WNT7B: variants seen among roughly 807,000 people sequenced by gnomAD.
WNT7B encodes the protein Wnt family member 7B.
Under a neutral mutation model 38.2 loss-of-function variants are expected in WNT7B, and 19 were observed. The observed-to-expected ratio is 0.50, with a 90% CI of 0.35 to 0.73. WNT7B has a LOEUF of 0.73. WNT7B is among the 30% of genes least tolerant of loss of function. WNT7B has a pLI of 0.01. For synonymous variants in WNT7B, 243 were observed against 209.3 expected (o/e 1.16, Z -1.39); for missense variants, 423 against 507.9 (o/e 0.83, Z 1.61).
chr22:45,923,242 G>C lies in WNT7B; in HGVS notation c.664C>G (p.Arg222Gly), dbSNP rs775134985. The change falls in exon 4 of 4, where the codon CGA becomes GGA. Residue 222 changes from arginine (R) to glycine (G), a missense_variant. By Grantham distance (125) the Arg-to-Gly change is moderately radical. This residue lies in a region of WNT7B where 158 missense variants were observed against 214.7 expected (regional missense o/e 0.74). Coordinates refer to ENST00000339464, the MANE Select transcript of WNT7B (RefSeq NM_058238.3). ...TCCTTCAGCAGGTGGCCCACCTCTC[G>C]GAACTTGGGCAGCGTGGTCCAGCAG... ...KTCWTTLPKFREVGHLLKEKY... is the reference protein window; with the variant it reads ...KTCWTTLPKFGEVGHLLKEKY... 1.9e-6 allele frequency: 3 copies of C among 1,613,490 alleles called. No homozygotes were observed. In the South Asian group the frequency reaches 3.3e-5, roughly 18 times the overall value.
At chr22:45,944,873 G>A (rs943549223) in intron 2 of WNT7B, among the ~76,000 whole-genome samples, 1 of 152,074 alleles carries the variant, frequency 6.6e-6, no homozygotes, top group African/African-American at 2.4e-5. Context: ...CCCTCAGACT[G>A]CCCCACCCCA....
rs1426578043 is a variant in WNT7B at position 45,975,433 on chromosome 22, C to T, written c.71+1251G>A. 4 of 642,020 alleles carry T rather than the reference C, an allele frequency of 6.2e-6. No individual in the cohort carries two copies. Among genetic ancestry groups the T allele is most frequent in the African/African-American group, 5.4e-5 (3 of 55,070 alleles). 39.8% of individuals were successfully genotyped at this position (642,020 alleles called of 1,614,324 possible). ...TATGATAAACGGGGCTACCGGCAGC[C>T]GCAGACACGCCCGCCCAGACCTGCA... On this transcript the variant is annotated intron_variant, in intron 1 of 3. Coordinates refer to ENST00000339464, the MANE Select transcript of WNT7B (RefSeq NM_058238.3). This position sits in a 1 kb window ranked among gnomAD's most constrained non-coding sequence, Gnocchi z 6.6.
At chr22:45,935,196 G>GACTT (rs1931484508) in intron 2 of WNT7B, among the ~76,000 whole-genome samples, 1 of 152,188 alleles carries the variant, frequency 6.6e-6, no homozygotes, top group African/African-American at 2.4e-5. Flanking sequence ...CCAGTGCTTA[G>GACTT]ACTTAGAAGC....
chr22:45,952,220 C>T (rs1022689793), intron 1 of WNT7B, among the ~76,000 whole-genome samples: 4 of 152,232 alleles, frequency 2.6e-5, no homozygotes, highest in Non-Finnish European at 5.9e-5. Flanking sequence ...GCCCGCCCGC[C>T]CTTTTCTTGA....
At chr22:45,944,042 C>A (rs893805163) in intron 2 of WNT7B, among the ~76,000 whole-genome samples, 3 of 152,174 alleles carry the variant, frequency 2.0e-5, no homozygotes, top group Non-Finnish European at 4.4e-5. Context: ...TCCCAGCCCC[C>A]ACCTCGGCCC....
chr22:45,944,423 C>G (rs1041258052), intron 2 of WNT7B, among the ~76,000 whole-genome samples: 1 of 152,204 alleles, frequency 6.6e-6, no homozygotes, highest in African/African-American at 2.4e-5. Context: ...GGGGCAGCCC[C>G]GGCCTCGTCC....
chr22:45,974,789 C>T (rs373884667), intron 1 of WNT7B, among the ~76,000 whole-genome samples: 3 of 152,232 alleles, frequency 2.0e-5, no homozygotes, highest in African/African-American at 7.2e-5. Context: ...GTCTTGCTCA[C>T]TCAGACCTCT....
In WNT7B at chr22:45,931,178, G is replaced by A; in HGVS notation, c.490C>T (p.Arg164Trp). 1.9e-6 allele frequency: 3 copies of A among 1,599,570 alleles called. No homozygotes were observed. Among genetic ancestry groups the A allele is most frequent in the East Asian group, 2.2e-5 (1 of 44,862 alleles). ...ATCTCCCGAGCGTCCACGAAGCGCC[G>A]GGAGAAGTCGATGCCGTAACGCACG... ...ADVRYGIDFS[R>W]RFVDAREIKK... Residue 164 changes from arginine to tryptophan, a missense_variant, in exon 3 of 4, where the codon CGG becomes TGG. By Grantham distance (101) the Arg-to-Trp change is moderately radical. Around this residue, in one of 3 missense-constraint regions of WNT7B, gnomAD observed 132 missense variants for 113.4 expected, o/e 1.16. Coordinates refer to ENST00000339464, the MANE Select transcript of WNT7B (RefSeq NM_058238.3).
rs1480826562 is a variant in WNT7B, at chr22:45,948,833, T to C, written c.298+1087A>G. Among the ~76,000 whole-genome samples, 292 of 117,796 alleles carry C rather than the reference T, an allele frequency of 2.5e-3. 2 individuals carry two copies. Among genetic ancestry groups the C allele is most frequent in the African/African-American group, 0.016 (283 of 17,874 alleles). 77.3% of individuals were successfully genotyped at this position (117,796 alleles called of 152,430 possible). On this transcript the variant is annotated intron_variant, in intron 2 of 3. Transcript: ENST00000339464. ...GGTCAGGCTCCAAAGATCCCTTTTT[T>C]TTTTTTTTTTTTTTTTTTTTTTTTC...
chr22:45,974,329 T>C (rs1932509751), intron 1 of WNT7B, among the ~76,000 whole-genome samples: 1 of 152,196 alleles, frequency 6.6e-6, no homozygotes, highest in African/African-American at 2.4e-5. Flanking sequence ...ACCTCCTCCT[T>C]AATGCAATGG....
At chr22:45,969,876 C>A (rs923193445) in intron 1 of WNT7B, among the ~76,000 whole-genome samples, 1 of 152,210 alleles carries the variant, frequency 6.6e-6, no homozygotes, top group African/African-American at 2.4e-5. Context: ...GATCCAAAGG[C>A]CAATGCCATC....
At chr22:45,936,933 A>G (rs9723234) in intron 2 of WNT7B, among the ~76,000 whole-genome samples, 39,507 of 152,096 alleles carry the variant, frequency 0.26, 5,671 homozygotes, top group African/African-American at 0.39. Flanking sequence ...GCCACTCCTC[A>G]CCATCCACTC....
At position 45,925,801 on chromosome 22, in the gene WNT7B, A is replaced by G. The variant is rs902768619; in HGVS notation, c.571-2466T>C. On this transcript the variant is annotated intron_variant, in intron 3 of 3. Coordinates refer to ENST00000339464, the MANE Select transcript of WNT7B (RefSeq NM_058238.3). Reference sequence around the variant, plus strand: ...TTCCCAGCCGGGAGAAGTTCACCCCACCCCGGGCTGCTCACCCTCCTCAGA... The same window carrying G: ...TTCCCAGCCGGGAGAAGTTCACCCCGCCCCGGGCTGCTCACCCTCCTCAGA... 10 of 984,682 alleles carry G rather than the reference A, an allele frequency of 1.0e-5. No individual in the cohort carries two copies. In the African/African-American group the frequency reaches 1.4e-4, roughly 14 times the overall value. The allele number at this position is 984,682 out of a possible 1,614,324, so 61.0% of individuals were successfully genotyped here. A position where few individuals can be genotyped will look rare whatever the true frequency, so the allele number is the denominator to read the frequency against.
rs559087801 is a variant in WNT7B at position 45,927,303 on chromosome 22, C to T, written c.570+3795G>A. 43 of 985,398 alleles carry T rather than the reference C, an allele frequency of 4.4e-5. No individual in the cohort carries two copies. In the East Asian group the frequency reaches 4.3e-3, roughly 99 times the overall value. The allele number at this position is 985,398 out of a possible 1,614,324, so 61.0% of individuals were successfully genotyped here. On this transcript the variant is annotated intron_variant, in intron 3 of 3. Coordinates refer to ENST00000339464, the MANE Select transcript of WNT7B (RefSeq NM_058238.3). The stretch of plus-strand genomic sequence containing the variant: ...GCAGCCCATTAAAGGTCACCCCCGC[C>T]CCCCAGGGAGCTTGGGGAAGGGCAG...
chr22:45,937,545 G>A (rs1030519533), intron 2 of WNT7B, among the ~76,000 whole-genome samples: 3 of 152,114 alleles, frequency 2.0e-5, no homozygotes, highest in Non-Finnish European at 4.4e-5. Flanking sequence ...CACACATTTG[G>A]GCATCCCTGG....
chr22:45,953,317 G>A (rs778870279), intron 1 of WNT7B, among the ~76,000 whole-genome samples: 4 of 149,624 alleles, frequency 2.7e-5, no homozygotes, highest in Admixed American at 1.3e-4. Context: ...TCCATGCCCC[G>A]CTTCCCCTCA....
intron 1 of WNT7B, among the ~76,000 whole-genome samples, chr22:45,954,216 C>T (rs1463321404): frequency 2.0e-5 from 3 of 146,832 alleles, no homozygotes; most frequent in Non-Finnish European, 3.0e-5. Flanking sequence ...GCAAATCCAT[C>T]GAGATAGAAA....
At chr22:45,972,137 G>T in intron 1 of WNT7B, 2 of 224,402 alleles carry the variant, frequency 8.9e-6, no homozygotes. Flanking sequence ...CACCCCGCAC[G>T]CCGCCCGCGG....
chr22:45,944,370 A>G (rs1931744508), intron 2 of WNT7B, among the ~76,000 whole-genome samples: 1 of 152,160 alleles, frequency 6.6e-6, no homozygotes, highest in South Asian at 2.1e-4. Flanking sequence ...ATAGCCCCTC[A>G]GGCTCCGTCC....
Sources: gnomAD v4.1 joint callset for allele counts (sites outside exome capture counted in the v4.1 genomes callset) on GRCh38, gnomAD v4.1.1 for gene constraint, gnomAD v4.1.1 regional missense constraint, Gnocchi (gnomAD v3.1) non-coding constraint, MANE v1.5 for transcripts, NCBI Gene and HGNC (gene_info 2026-07-23, HGNC 2026-07-21) for gene names.